Variants in AFTPH observed in about 807,000 individuals in gnomAD.
AFTPH encodes the protein aftiphilin protein.
AFTPH carries 7 observed loss-of-function variants against 72.5 expected under a neutral mutation model. The ratio of observed to expected loss-of-function variants is 0.10; its 90% confidence interval spans 0.05 to 0.18. AFTPH has a LOEUF of 0.18. Ranked by LOEUF, AFTPH falls within the 10% of genes least tolerant of loss-of-function variation. AFTPH has a pLI of 1.00. For missense variants in AFTPH, 979 were observed against 1,060.5 expected, an observed-to-expected ratio of 0.92 and a Z score of 1.07; for synonymous variants, 337 against 370.1, an observed-to-expected ratio of 0.91 and a Z score of 1.03.
chr2:64,566,840 C>T (rs1476547668), intron 2 of AFTPH, among the ~76,000 whole-genome samples: 1 of 150,702 alleles, frequency 6.6e-6, no homozygotes, highest in Non-Finnish European at 1.5e-5. Flanking sequence ...AATATGCAGG[C>T]TTTACTTGGG....
chr2:64,552,965 G>C, exon 2 of AFTPH: 1 of 1,614,118 alleles, frequency 6.2e-7, no homozygotes, highest in Non-Finnish European at 8.5e-7. Context: ...TATTAACAAA[G>C]TCAGACCTAA....
intron 6 of AFTPH, chr2:64,578,897 C>T (rs974723181): frequency 8.5e-5 from 13 of 152,302 alleles, no homozygotes; most frequent in Admixed American, 5.9e-4. Flanking sequence ...ATTCTATGCT[C>T]GCTTCAGCAG....
chr2:64,546,965 C>T (rs1329073663), intron 1 of AFTPH, among the ~76,000 whole-genome samples: 6 of 151,906 alleles, frequency 3.9e-5, no homozygotes, highest in African/African-American at 1.2e-4. Context: ...AGGAGAATGG[C>T]GTGAACCCGG....
intron 1 of AFTPH, among the ~76,000 whole-genome samples, chr2:64,530,176 A>G (rs1008549278): frequency 5.9e-5 from 9 of 152,100 alleles, no homozygotes; most frequent in Admixed American, 5.9e-4. Context: ...AAAAAAAGCA[A>G]ATCCCTCACT....
At chr2:64,582,200 G>A (rs1441400073) in intron 7 of AFTPH, among the ~76,000 whole-genome samples, 1 of 152,152 alleles carries the variant, frequency 6.6e-6, no homozygotes, top group Non-Finnish European at 1.5e-5. Context: ...CCCCACTAGT[G>A]GCCAGATTCA....
chr2:64,578,507 G>GCTTATTTTATATGTTTGACAGTTA (rs1672961180), intron 6 of AFTPH, among the ~76,000 whole-genome samples: 4 of 151,406 alleles, frequency 2.6e-5, no homozygotes, highest in African/African-American at 9.7e-5. Flanking sequence ...TTTACCATTT[G>GCTTATTTTATATGTTTGACAGTTA]CTTATTTTAT....
chr2:64,565,474 CAA>C (rs11447048), intron 2 of AFTPH, among the ~76,000 whole-genome samples: 40 of 88,126 alleles, frequency 4.5e-4, no homozygotes, highest in African/African-American at 8.6e-4. Context: ...GACTCTATCT[CAA>C]AAAAAAAAAA....
chr2:64,568,538 T>C (rs1372993393), intron 3 of AFTPH, among the ~76,000 whole-genome samples: 1 of 152,242 alleles, frequency 6.6e-6, no homozygotes, highest in Non-Finnish European at 1.5e-5. Context: ...AAAAGGTAGA[T>C]GGGAGGCAAA....
rs192531913 is a variant in AFTPH at position 64,586,510 on chromosome 2, T to G, written c.2579+965T>G. 1.3e-3 allele frequency among the ~76,000 whole-genome samples: 203 copies of G among 152,370 alleles called. 1 individual carries two copies. Among genetic ancestry groups the G allele is most frequent in the African/African-American group, 4.4e-3 (182 of 41,586 alleles). ...AATAAATGTTTCTCTCTCTTAACTT[T>G]AGCTTGAATTATCATATTGTCTTTT... On this transcript the variant is annotated intron_variant, in intron 8 of 8. Transcript: ENST00000238856.
chr2:64,559,857 A>G (rs1572992772), intron 2 of AFTPH, among the ~76,000 whole-genome samples: 1 of 152,020 alleles, frequency 6.6e-6, no homozygotes, highest in African/African-American at 2.4e-5. Context: ...GGTGTGTGCG[A>G]CCACACCTGG....
intron 1 of AFTPH, among the ~76,000 whole-genome samples, chr2:64,540,147 T>G (rs1360598686): frequency 6.6e-6 from 1 of 152,158 alleles, no homozygotes; most frequent in African/African-American, 2.4e-5. Flanking sequence ...CCTTTCAGAT[T>G]CTATTTTCAT....
intron 2 of AFTPH, among the ~76,000 whole-genome samples, chr2:64,554,709 A>G (rs1328696057): frequency 2.0e-5 from 3 of 152,160 alleles, no homozygotes; most frequent in Non-Finnish European, 2.9e-5. Context: ...TATTATTCCT[A>G]TTGAGCAGTT....
intron 2 of AFTPH, among the ~76,000 whole-genome samples, chr2:64,565,770 G>A (rs151265107): frequency 1.3e-5 from 2 of 152,300 alleles, no homozygotes; most frequent in East Asian, 1.9e-4. Context: ...CTTATTCAAC[G>A]TAAGATTTGA....
chr2:64,584,184 A>T (rs540012421), intron 7 of AFTPH, among the ~76,000 whole-genome samples: 22 of 148,674 alleles, frequency 1.5e-4, no homozygotes, highest in Middle Eastern at 3.4e-3. Context: ...AGGATTAAAA[A>T]TTTTTTTTTT....
In AFTPH at chr2:64,579,565, C is replaced by T; in HGVS notation, c.2455+19C>T. The T allele has an allele frequency of 6.2e-7, 1 of 1,605,726 alleles. No homozygotes were observed. Among genetic ancestry groups the T allele is most frequent in the Non-Finnish European group, 8.5e-7 (1 of 1,173,204 alleles). On this transcript the variant is annotated intron_variant, in intron 7 of 8. Transcript: ENST00000238856. ...TTAGATGGTACGTCTCTCCGTAGAG[C>T]CTCTAGCACCAGAGCTAGAGTTAAG...
intron 1 of AFTPH, among the ~76,000 whole-genome samples, chr2:64,537,751 C>T (rs1041003097): frequency 4.6e-5 from 7 of 152,192 alleles, no homozygotes; most frequent in East Asian, 1.9e-4. Context: ...TAGTAATTTT[C>T]GTTTATTACT....
Position 64,561,800 on chromosome 2 carries a change from G to A in AFTPH, c.1936-5762G>A, listed in dbSNP as rs546409186. ...CATTTATTTGTTACCTTCATATTCAGAATGCAGCACTGACTCTTTAGTAAG... is the reference window on the plus strand; with the variant it reads ...CATTTATTTGTTACCTTCATATTCAAAATGCAGCACTGACTCTTTAGTAAG... On this transcript the variant is annotated intron_variant, in intron 2 of 8. Transcript: ENST00000238856. 5.9e-5 allele frequency among the ~76,000 whole-genome samples: 9 copies of A among 152,300 alleles called. No individual in the cohort carries two copies. The East Asian group carries it at 1.7e-3, about 29-fold the overall frequency.
At chr2:64,527,968 G>T (rs1669379528) in intron 1 of AFTPH, among the ~76,000 whole-genome samples, 1 of 152,210 alleles carries the variant, frequency 6.6e-6, no homozygotes. Flanking sequence ...AAGAAAGGAG[G>T]TGGGGAATCA....
At chr2:64,527,627 A>G (rs115283982) in intron 1 of AFTPH, among the ~76,000 whole-genome samples, 3,609 of 152,152 alleles carry the variant, frequency 0.024, 133 homozygotes, top group African/African-American at 0.082. Flanking sequence ...ACTTTAAAAC[A>G]TATATAAAGT....
Sources: allele counts gnomAD v4.1 joint callset (sites outside exome capture counted in the v4.1 genomes callset), GRCh38; gene constraint gnomAD v4.1.1; transcripts MANE v1.5; gene names NCBI Gene and HGNC (gene_info 2026-07-23, HGNC 2026-07-21).